TRAF2: variants seen among roughly 807,000 people sequenced by gnomAD.
TRAF2 encodes the protein TNF receptor associated factor 2.
TRAF2 carries 6 observed loss-of-function variants against 55.6 expected under a neutral mutation model. The ratio of observed to expected loss-of-function variants is 0.11; its 90% CI spans 0.06 to 0.21. TRAF2 has a LOEUF of 0.21. Among genes scored for constraint, TRAF2 ranks in the 10% least tolerant of loss-of-function variants. The pLI is 1.00. For missense variants in TRAF2, 561 were observed against 684.5 expected (o/e 0.82, Z 2.01); for synonymous variants, 329 against 276.3 (o/e 1.19, Z -1.89).
chr9:136,923,809 T>A (rs1265835081), intron 9 of TRAF2, 43 bp from the exon 10 acceptor site: 2 of 1,603,944 alleles, frequency 1.2e-6, no homozygotes, highest in South Asian at 1.1e-5. Context: ...TGCCCCGCCC[T>A]TGCTGAGTGT....
chr9:136,910,783 A>G (rs982612893), intron 6 of TRAF2, among the ~76,000 whole-genome samples: 4 of 152,184 alleles, frequency 2.6e-5, no homozygotes, highest in Admixed American at 2.6e-4. Context: ...AATATAGGTC[A>G]CAGCCCAAGT....
At chr9:136,916,649 C>T in intron 7 of TRAF2, 34 bp downstream of exon 7, 1 of 1,606,248 alleles carries the variant, frequency 6.2e-7, no homozygotes, top group Non-Finnish European at 8.5e-7. Flanking sequence ...GGGGCCACCC[C>T]TCATCCTGGG....
In TRAF2 at chr9:136,926,003, G is replaced by T; in HGVS notation, c.*102G>T. On this transcript the variant is annotated 3_prime_UTR_variant, in exon 11 of 11. Transcript: ENST00000247668. ...GGGTCTCACTGTACAAGTGGGCAGG[G>T]GCCGCGCTTGGGCGCTTGGGAGGGT... is the stretch of plus-strand genomic sequence containing the variant. The T allele has an allele frequency of 1.4e-6, 2 of 1,438,044 alleles. No individual in the cohort carries two copies. Among genetic ancestry groups the T allele is most frequent in the Non-Finnish European group, 1.9e-6 (2 of 1,034,070 alleles). 89.1% of individuals were successfully genotyped at this position (1,438,044 alleles called of 1,614,324 possible). A position where few individuals can be genotyped will look rare whatever the true frequency, so the allele number is the denominator to read the frequency against.
intron 6 of TRAF2, among the ~76,000 whole-genome samples, chr9:136,911,606 A>T (rs866230203): frequency 2.0e-5 from 3 of 151,996 alleles, no homozygotes; most frequent in Admixed American, 6.6e-5. Context: ...TCATCTTCAG[A>T]CTGAGGGGCC....
upstream of TRAF2, among the ~76,000 whole-genome samples, chr9:136,885,577 G>A (rs1588411931): frequency 6.6e-6 from 1 of 152,154 alleles, no homozygotes; most frequent in African/African-American, 2.4e-5. Context: ...AGACCAGCCT[G>A]GCCAACATGG....
At chr9:136,896,381 G>C (rs1474933090) in intron 1 of TRAF2, among the ~76,000 whole-genome samples, 3 of 152,234 alleles carry the variant, frequency 2.0e-5, no homozygotes, top group Non-Finnish European at 4.4e-5. Context: ...GACCGGCCCT[G>C]GTTCCGGGTG....
chr9:136,902,269 G>A (rs1385247060), intron 4 of TRAF2: 1 of 152,382 alleles, frequency 6.6e-6, no homozygotes, highest in Admixed American at 6.5e-5. Flanking sequence ...AAGGGAGATG[G>A]CTCCCTGGGG....
chr9:136,914,055 G>GTT (rs1850183961), intron 6 of TRAF2, among the ~76,000 whole-genome samples: 1 of 152,228 alleles, frequency 6.6e-6, no homozygotes, highest in African/African-American at 2.4e-5. Context: ...TTGATAAGGT[G>GTT]TTTGCCCCTT....
chr9:136,911,866 T>TTTTTTTTTG (rs1850117212), intron 6 of TRAF2, among the ~76,000 whole-genome samples: 9 of 141,592 alleles, frequency 6.4e-5, no homozygotes, highest in Admixed American at 4.2e-4. Flanking sequence ...TTTTTTTTTT[T>TTTTTTTTTG]TGAGATGGAG....
intron 7 of TRAF2, among the ~76,000 whole-genome samples, chr9:136,918,259 T>TATATATATATATA (rs1564419549): frequency 2.9e-4 from 7 of 23,762 alleles, no homozygotes; most frequent in African/African-American, 1.5e-3. Context: ...ATATATATAT[T>TATATATATATATA]TATTTAATTA....
At chr9:136,924,154 C>T (rs763857347) in intron 10 of TRAF2, among the ~76,000 whole-genome samples, 154 bp downstream of exon 10, 26 of 152,196 alleles carry the variant, frequency 1.7e-4, no homozygotes, top group African/African-American at 4.6e-4. Flanking sequence ...TGCTGTGTCA[C>T]GCGGTGGAGA....
chr9:136,885,268 G>A (rs552401705), upstream of TRAF2, among the ~76,000 whole-genome samples: 19 of 152,314 alleles, frequency 1.2e-4, no homozygotes, highest in African/African-American at 4.6e-4. Flanking sequence ...TGGTCTCAGG[G>A]TCTGAATGCT....
chr9:136,923,129 T>C (rs1431398055), intron 9 of TRAF2, among the ~76,000 whole-genome samples: 2 of 152,160 alleles, frequency 1.3e-5, no homozygotes, highest in African/African-American at 2.4e-5. Context: ...AAGTCGACTC[T>C]TCTTGTTTTG....
intron 1 of TRAF2, among the ~76,000 whole-genome samples, chr9:136,888,163 G>T (rs925237223): frequency 2.5e-4 from 38 of 152,244 alleles, no homozygotes; most frequent in African/African-American, 9.1e-4. Flanking sequence ...GAGCCACCGC[G>T]CCCGGCCATG....
Position 136,925,517 on chromosome 9 carries a change from T to C in TRAF2, c.1288-166T>C, listed in dbSNP as rs187709937. On this transcript the variant is annotated intron_variant, in intron 10 of 10. Transcript: ENST00000247668. ...GGAGGGCTGGGGAGCCCGGGCGCTGTGGCAGGAGCAAGGCCGCCCACCACG... is the reference window on the plus strand; with the variant it reads ...GGAGGGCTGGGGAGCCCGGGCGCTGCGGCAGGAGCAAGGCCGCCCACCACG... 4.9e-3 allele frequency among the ~76,000 whole-genome samples: 742 copies of C among 152,096 alleles called. 5 individuals carry two copies. The highest frequency in any genetic ancestry group is 0.017 in the African/African-American group (711 of 41,496).
chr9:136,903,265 TA>T (rs1333509685), intron 4 of TRAF2, among the ~76,000 whole-genome samples: 8 of 152,220 alleles, frequency 5.3e-5, no homozygotes, highest in Non-Finnish European at 1.0e-4. Context: ...CGAATAATTT[TA>T]AAACTTTAGG....
chr9:136,919,126 T>C (rs1023911274), intron 7 of TRAF2, among the ~76,000 whole-genome samples: 1 of 151,380 alleles, frequency 6.6e-6, no homozygotes, highest in African/African-American at 2.4e-5. Context: ...AGTGGCACCA[T>C]CTCAGCTCAC....
Position 136,920,285 on chromosome 9 carries a change from C to T in TRAF2, c.730C>T (p.Leu244=), listed in dbSNP as rs1850352716. Residue 244 remains leucine, a synonymous_variant, in exon 8 of 11, where the codon CTG becomes TTG. Coordinates refer to ENST00000247668, the MANE Select transcript of TRAF2 (RefSeq NM_021138.4). ...EHEVQWLREH[L]AMLLSSVLEA... Reference sequence around the variant, plus strand: ...CGAGGTGCAGTGGCTGCGGGAGCACCTGGCCATGCTACTGAGCTCGGTGCT... The same window carrying T: ...CGAGGTGCAGTGGCTGCGGGAGCACTTGGCCATGCTACTGAGCTCGGTGCT... 1.9e-6 allele frequency: 3 copies of T among 1,613,646 alleles called. No homozygotes were observed. In the East Asian group the frequency reaches 6.7e-5, roughly 36 times the overall value.
chr9:136,899,801 G>A, intron 3 of TRAF2, 129 bp downstream of exon 3: 1 of 795,922 alleles, frequency 1.3e-6, no homozygotes, highest in African/African-American at 1.8e-5. Flanking sequence ...CAGGTAGGGG[G>A]ATTGCTTGAG....
Sources: allele counts gnomAD v4.1 joint callset (sites outside exome capture counted in the v4.1 genomes callset), GRCh38; gene constraint gnomAD v4.1.1; transcripts MANE v1.5; gene names NCBI Gene and HGNC (gene_info 2026-07-23, HGNC 2026-07-21).